The following SNX25 variants were observed in gnomAD, a reference collection of about 807,000 sequenced individuals.
SNX25 encodes sorting nexin 25, also known as sorting nexin-25.
A neutral mutation model predicts 113.7 loss-of-function variants in SNX25; 62 were observed. The ratio of observed to expected loss-of-function variants is 0.55; its 90% CI spans 0.44 to 0.67. The LOEUF is 0.67. Ranked by LOEUF, SNX25 falls within the 30% of genes least tolerant of loss-of-function variation. SNX25 has a pLI of 0.00. For synonymous variants in SNX25, 421 were observed against 436.2 expected (o/e 0.97, Z 0.43); for missense variants, 1,014 against 1,161.0 (o/e 0.87, Z 1.84).
rs146322515 is a variant in SNX25 at position 185,332,688 on chromosome 4, C to T, written c.1843C>T (p.Leu615=). 54 of 1,613,902 alleles carry T rather than the reference C, an allele frequency of 3.3e-5. No homozygotes were observed. The highest frequency in any genetic ancestry group is 2.9e-4 in the South Asian group (26 of 91,076). ...TTTTGCTGTAAACAAACTGCGAGAA[C>T]TAAATGAGAAACTTGAATATAAAAG... ...ASFAVNKLRE[L]NEKLEYKRQA... is the part of the protein sequence containing the mutation. The change falls in exon 10 of 19, where the codon CTA becomes TTA. Residue 615 remains leucine, a synonymous_variant. Transcript: ENST00000652585.
Position 185,345,767 on chromosome 4 carries a change from G to A in SNX25, c.2188-770G>A, listed in dbSNP as rs536771604. 5.9e-5 allele frequency among the ~76,000 whole-genome samples: 9 copies of A among 152,058 alleles called. No homozygotes were observed. In the South Asian group the frequency reaches 1.9e-3, roughly 32 times the overall value. ...GATCACGCCACTGCACTCAGCCTGG[G>A]TGGCAGACTGAGACCCTGTTTCAAA... is the stretch of plus-strand genomic sequence containing the variant. On this transcript the variant is annotated intron_variant, in intron 12 of 18. Transcript: ENST00000652585.
At position 185,349,397 on chromosome 4, in the gene SNX25, A is replaced by G. The variant is rs546828303; in HGVS notation, c.2302-2048A>G. Among the ~76,000 whole-genome samples the G allele has an allele frequency of 2.0e-5, 3 of 152,162 alleles. No individual in the cohort carries two copies. In the South Asian group the frequency reaches 6.2e-4, roughly 32 times the overall value. On this transcript the variant is annotated intron_variant, in intron 13 of 18. Transcript: ENST00000652585. ...ATGGGAATGCAGATATATCTTTGAC[A>G]TACTGATTTCATTTCCTTTGGATGT...
At chr4:185,223,665 C>T (rs1393263149) in intron 1 of SNX25, among the ~76,000 whole-genome samples, 1 of 151,694 alleles carries the variant, frequency 6.6e-6, no homozygotes, top group African/African-American at 2.4e-5. Flanking sequence ...CCTGTAGTCC[C>T]AGGTACTCAG....
At chr4:185,292,848 A>G (rs1399409936) in intron 6 of SNX25, among the ~76,000 whole-genome samples, 1 of 152,180 alleles carries the variant, frequency 6.6e-6, no homozygotes, top group African/African-American at 2.4e-5. Flanking sequence ...CCAGGAGGTC[A>G]AGGCTGCAAT....
At chr4:185,300,575 T>C (rs1753519484) in intron 6 of SNX25, among the ~76,000 whole-genome samples, 1 of 152,058 alleles carries the variant, frequency 6.6e-6, no homozygotes, top group East Asian at 1.9e-4. Flanking sequence ...TCTTGTGGAC[T>C]TCTCCGGGTC....
chr4:185,239,130 G>T (rs898425936), intron 1 of SNX25, among the ~76,000 whole-genome samples: 2 of 152,126 alleles, frequency 1.3e-5, no homozygotes, highest in African/African-American at 4.8e-5. Flanking sequence ...ATTCAGAAAA[G>T]GGTTTATTGA....
At chr4:185,261,713 T>G (rs375936828) in intron 3 of SNX25, among the ~76,000 whole-genome samples, 1 of 152,286 alleles carries the variant, frequency 6.6e-6, no homozygotes, top group South Asian at 2.1e-4. Flanking sequence ...TATTAGAAGC[T>G]CCTTCTCTTT....
intron 2 of SNX25, among the ~76,000 whole-genome samples, chr4:185,250,367 C>T (rs747175027): frequency 2.6e-5 from 4 of 152,204 alleles, no homozygotes; most frequent in Non-Finnish European, 5.9e-5. Context: ...TTCCACTGGT[C>T]TCCTGTAGTC....
chr4:185,253,126 G>A (rs1745907126), intron 2 of SNX25, among the ~76,000 whole-genome samples: 1 of 152,130 alleles, frequency 6.6e-6, no homozygotes, highest in Non-Finnish European at 1.5e-5. Context: ...TAGATCTATT[G>A]CCTAATTTTC....
At chr4:185,355,982 T>C (rs1170645610) in intron 15 of SNX25, among the ~76,000 whole-genome samples, 1 of 152,390 alleles carries the variant, frequency 6.6e-6, no homozygotes, top group East Asian at 1.9e-4. Context: ...CCTCCATCTC[T>C]GCCTGCTCGG....
At chr4:185,293,162 G>C (rs953218890) in intron 6 of SNX25, among the ~76,000 whole-genome samples, 1 of 152,160 alleles carries the variant, frequency 6.6e-6, no homozygotes, top group African/African-American at 2.4e-5. Context: ...CTGTTGGTGA[G>C]GATACGGAGA....
chr4:185,240,976 C>T (rs1237739137), intron 1 of SNX25, among the ~76,000 whole-genome samples: 16 of 150,410 alleles, frequency 1.1e-4, no homozygotes, highest in South Asian at 2.1e-4. Context: ...CGGGCAGAGA[C>T]GCTCCTCACT....
At chr4:185,281,174 G>A (rs1394457662) in intron 5 of SNX25, among the ~76,000 whole-genome samples, 1 of 151,746 alleles carries the variant, frequency 6.6e-6, no homozygotes, top group East Asian at 1.9e-4. Flanking sequence ...CAGGTTGATT[G>A]GGCTAAAATG....
intron 1 of SNX25, among the ~76,000 whole-genome samples, chr4:185,240,596 G>A (rs1579430106): frequency 1.3e-5 from 2 of 150,878 alleles, no homozygotes; most frequent in African/African-American, 4.9e-5. Flanking sequence ...AGTAGGGGCG[G>A]CCGGGCAGAG....
intron 6 of SNX25, among the ~76,000 whole-genome samples, chr4:185,305,775 T>C (rs531265473): frequency 9.2e-5 from 14 of 152,312 alleles, no homozygotes; most frequent in Admixed American, 7.2e-4. Flanking sequence ...GAACCTAGAC[T>C]ATCTAGACGG....
At chr4:185,230,516 C>T (rs534337646) in intron 1 of SNX25, among the ~76,000 whole-genome samples, 113 of 152,142 alleles carry the variant, frequency 7.4e-4, no homozygotes, top group African/African-American at 2.5e-3. Flanking sequence ...CCTCAGCCTC[C>T]CGAGTAGCTG....
At position 185,224,438 on chromosome 4, in the gene SNX25, G is replaced by GATATATAAATATATATATAGATATATAA. The variant is rs1553984329; in HGVS notation, c.429+14199_429+14226dup. Reference sequence around the variant, plus strand: ...ATATAAAAATATATAAAAATATATAGATATATAAATATATATATAGATATA... The same window carrying GATATATAAATATATATATAGATATATAA: ...ATATAAAAATATATAAAAATATATAGATATATAAATATATATATAGATATATAAATATATAAATATATATATAGATATA... On this transcript the variant is annotated intron_variant, in intron 1 of 18. Coordinates refer to ENST00000652585, the MANE Select transcript of SNX25 (RefSeq NM_001378034.2). Among the ~76,000 whole-genome samples, 20 of 62,268 alleles carry GATATATAAATATATATATAGATATATAA rather than the reference G, an allele frequency of 3.2e-4. 1 individual carries two copies. In the Admixed American group the frequency reaches 3.8e-3, roughly 12 times the overall value. 40.9% of individuals were successfully genotyped at this position (62,268 alleles called of 152,430 possible).
At chr4:185,247,228 ATT>A (rs550563470) in intron 1 of SNX25, 64 bp from the exon 2 acceptor site, 69 of 932,228 alleles carry the variant, frequency 7.4e-5, no homozygotes, top group South Asian at 5.1e-4. Flanking sequence ...CATACCTTTG[ATT>A]TTTTTTTTTT....
intron 12 of SNX25, among the ~76,000 whole-genome samples, chr4:185,344,690 G>A (rs149391635): frequency 6.6e-6 from 1 of 152,154 alleles, no homozygotes; most frequent in East Asian, 1.9e-4. Context: ...AAGCCACGCT[G>A]CTCCTTTACA....
Sources: gnomAD v4.1 joint callset for allele counts (sites outside exome capture counted in the v4.1 genomes callset) on GRCh38, gnomAD v4.1.1 for gene constraint, MANE v1.5 for transcripts, NCBI Gene and HGNC (gene_info 2026-07-23, HGNC 2026-07-21) for gene names.